The following CTNND2 variants were observed in gnomAD, a reference collection of about 807,000 sequenced individuals.
CTNND2 encodes catenin delta-2.
Under a neutral mutation model 144.4 loss-of-function variants are expected in CTNND2, and 22 were observed. The observed-to-expected ratio is 0.15, with a 90% confidence interval of 0.11 to 0.22. CTNND2 has a LOEUF of 0.22. CTNND2 is among the 10% of genes least tolerant of loss of function. The pLI, the probability that CTNND2 is intolerant of heterozygous loss-of-function variation, is 1.00. For missense variants in CTNND2, 1,353 were observed against 1,618.8 expected (o/e 0.84, Z 2.82); for synonymous variants, 751 against 695.6 (o/e 1.08, Z -1.25).
chr5:11,675,131 G>A (rs926986226), intron 2 of CTNND2, among the ~76,000 whole-genome samples: 7 of 151,950 alleles, frequency 4.6e-5, no homozygotes, highest in Non-Finnish European at 5.9e-5. Context: ...ATTCTGAAAC[G>A]GACGGAACTG....
chr5:11,673,606 G>C lies in CTNND2; in HGVS notation c.174+58530C>G, dbSNP rs531927808. On this transcript the variant is annotated intron_variant, in intron 2 of 21. Transcript: ENST00000304623. ...CATACTTTAAAATCTTATTCTGAAG[G>C]CTGGGTTTTATTGTTTTGTAAGTTT... Among the ~76,000 whole-genome samples the C allele has an allele frequency of 5.3e-5, 8 of 152,156 alleles. No individual in the cohort carries two copies. In the South Asian group the frequency reaches 1.7e-3, roughly 32 times the overall value.
intron 2 of CTNND2, among the ~76,000 whole-genome samples, chr5:11,697,040 A>C (rs1253850183): frequency 6.6e-6 from 1 of 152,228 alleles, no homozygotes; most frequent in African/African-American, 2.4e-5. Context: ...TGTTTAAATA[A>C]TTCAGCCATT....
In CTNND2 at chr5:11,887,052, C is replaced by A. The variant is rs148639296; in HGVS notation, c.37+16765G>T. On this transcript the variant is annotated intron_variant, in intron 1 of 21. Coordinates refer to ENST00000304623, the MANE Select transcript of CTNND2 (RefSeq NM_001332.4). ...AGGCTGGAGTGCGGTGGCGCGATCT[C>A]GGCTCACTGCAAGCTCTGCCTCCCG... Among the ~76,000 whole-genome samples, 1,023 of 135,342 alleles carry A rather than the reference C, an allele frequency of 7.6e-3. 7 individuals carry two copies. Among genetic ancestry groups the A allele is most frequent in the African/African-American group, 0.027 (977 of 36,758 alleles). 88.8% of individuals were successfully genotyped at this position (135,342 alleles called of 152,430 possible). A position where few individuals can be genotyped will look rare whatever the true frequency, so the allele number is the denominator to read the frequency against.
intron 16 of CTNND2, among the ~76,000 whole-genome samples, chr5:11,068,154 A>G (rs115259895): frequency 0.014 from 2,140 of 152,330 alleles, 54 homozygotes; most frequent in African/African-American, 0.049. Flanking sequence ...AATATTTCCA[A>G]ATTGGAAGAA....
intron 2 of CTNND2, among the ~76,000 whole-genome samples, chr5:11,708,801 TG>T (rs1344597983): frequency 2.0e-5 from 3 of 152,126 alleles, no homozygotes; most frequent in Non-Finnish European, 4.4e-5. Context: ...TTCATCACCC[TG>T]AAGAGTACCC....
intron 3 of CTNND2, among the ~76,000 whole-genome samples, chr5:11,558,768 C>T (rs1223986551): frequency 6.6e-6 from 1 of 152,126 alleles, no homozygotes; most frequent in Non-Finnish European, 1.5e-5. Flanking sequence ...AGTTTGGAAC[C>T]TGTGACTGAG....
chr5:11,091,053 T>C (rs952596760), intron 15 of CTNND2, among the ~76,000 whole-genome samples: 5 of 152,204 alleles, frequency 3.3e-5, no homozygotes, highest in African/African-American at 9.6e-5. Context: ...ATGAGTTTCA[T>C]TAAATTTGGG....
intron 9 of CTNND2, among the ~76,000 whole-genome samples, chr5:11,272,043 A>G (rs866815145): frequency 6.6e-6 from 1 of 152,336 alleles, no homozygotes; most frequent in African/African-American, 2.4e-5. Context: ...TGTTATAAAA[A>G]TATTTCCTTT....
At chr5:11,603,255 G>C (rs538294760) in intron 2 of CTNND2, among the ~76,000 whole-genome samples, 1 of 152,192 alleles carries the variant, frequency 6.6e-6, no homozygotes, top group East Asian at 1.9e-4. Context: ...ATATTAAAAT[G>C]TTGCCCACCT....
chr5:11,292,593 C>G (rs1027387761), intron 9 of CTNND2, among the ~76,000 whole-genome samples: 1 of 152,180 alleles, frequency 6.6e-6, no homozygotes, highest in Admixed American at 6.5e-5. Flanking sequence ...CCTTCACACA[C>G]TCTCTCTTGC....
intron 2 of CTNND2, among the ~76,000 whole-genome samples, chr5:11,718,637 A>T (rs1786488661): frequency 1.3e-5 from 2 of 152,060 alleles, no homozygotes; most frequent in Non-Finnish European, 1.5e-5. Context: ...AAAAAATAAG[A>T]AAAGTAAGAG....
At chr5:11,108,287 C>A (rs6866865) in intron 14 of CTNND2, among the ~76,000 whole-genome samples, 24,049 of 152,006 alleles carry the variant, frequency 0.16, 2,801 homozygotes, top group East Asian at 0.37. Flanking sequence ...GGGCAAGAAG[C>A]CTTGAAAGTT....
intron 3 of CTNND2, among the ~76,000 whole-genome samples, chr5:11,427,356 G>C (rs1297069832): frequency 6.7e-6 from 1 of 149,854 alleles, no homozygotes; most frequent in African/African-American, 2.5e-5. Context: ...CGGCTCACTG[G>C]AACCTTTGCC....
chr5:11,267,076 G>A (rs191124701), intron 9 of CTNND2, among the ~76,000 whole-genome samples: 117 of 152,242 alleles, frequency 7.7e-4, no homozygotes, highest in African/African-American at 2.7e-3. Context: ...ATGGGTTTTC[G>A]CCATGTTGGC....
chr5:11,118,563 A>T (rs1753783757), intron 12 of CTNND2, among the ~76,000 whole-genome samples: 3 of 152,208 alleles, frequency 2.0e-5, no homozygotes, highest in Admixed American at 2.0e-4. Context: ...GGGTAGAGTC[A>T]GATAACTTGC....
intron 2 of CTNND2, among the ~76,000 whole-genome samples, chr5:11,679,062 T>C (rs1784311021): frequency 6.6e-6 from 1 of 152,096 alleles, no homozygotes; most frequent in South Asian, 2.1e-4. Context: ...TCAGCATCCC[T>C]TTCGTTCTCA....
intron 3 of CTNND2, among the ~76,000 whole-genome samples, chr5:11,529,787 C>T (rs1453084135): frequency 6.6e-6 from 1 of 151,994 alleles, no homozygotes; most frequent in African/African-American, 2.4e-5. Context: ...TATTTTCAAA[C>T]AATCTAAAAT....
intron 2 of CTNND2, among the ~76,000 whole-genome samples, chr5:11,637,577 G>A (rs148091696): frequency 3.9e-5 from 6 of 152,046 alleles, no homozygotes; most frequent in East Asian, 1.9e-4. Context: ...CAATGCCAGC[G>A]AAAATTAGAC....
At chr5:11,083,822 C>G (rs1228853552) in intron 15 of CTNND2, 2 of 979,124 alleles carry the variant, frequency 2.0e-6, no homozygotes, top group Non-Finnish European at 1.3e-6. Flanking sequence ...AGTCCCCCCA[C>G]CAGGCCACCT....
Sources: gnomAD v4.1 joint callset for allele counts (sites outside exome capture counted in the v4.1 genomes callset) on GRCh38, gnomAD v4.1.1 for gene constraint, MANE v1.5 for transcripts, NCBI Gene and HGNC (gene_info 2026-07-23, HGNC 2026-07-21) for gene names.